Variants in TOGARAM2 observed in about 807,000 individuals in gnomAD.
TOGARAM2 encodes TOG array regulator of axonemal microtubules protein 2.
A neutral mutation model predicts 93.3 loss-of-function variants in TOGARAM2; 85 were observed. The observed-to-expected ratio is 0.91, with a 90% confidence interval of 0.76 to 1.09. The LOEUF is 1.09. Ranked by LOEUF, TOGARAM2 falls within the 50% of genes least tolerant of loss-of-function variation. The pLI, the probability that TOGARAM2 is intolerant of heterozygous loss-of-function variation, is 0.00. For synonymous variants in TOGARAM2, 593 were observed against 552.8 expected (o/e 1.07, Z -1.02); for missense variants, 1,277 against 1,334.5 (o/e 0.96, Z 0.67).
At chr2:29,001,290 G>T (rs1673282472) in intron 4 of TOGARAM2, among the ~76,000 whole-genome samples, 1 of 152,162 alleles carries the variant, frequency 6.6e-6, no homozygotes, top group Non-Finnish European at 1.5e-5. Flanking sequence ...AGCCAGGAGG[G>T]GAGCGAGTGT....
chr2:29,023,215 T>C, intron 12 of TOGARAM2, 24 bp downstream of exon 12: 2 of 1,554,046 alleles, frequency 1.3e-6, no homozygotes, highest in Non-Finnish European at 1.7e-6. Context: ...GCCTGTGTGC[T>C]GTGCATTTGG....
chr2:29,044,267 G>T (rs1220833573), intron 18 of TOGARAM2, among the ~76,000 whole-genome samples: 1 of 152,068 alleles, frequency 6.6e-6, no homozygotes, highest in Non-Finnish European at 1.5e-5. Flanking sequence ...GGCATATTGG[G>T]GCATATAGAC....
intron 1 of TOGARAM2, among the ~76,000 whole-genome samples, chr2:28,973,415 C>G (rs369339771): frequency 0.079 from 5,607 of 70,692 alleles, 118 homozygotes; most frequent in East Asian, 0.46. Context: ...TTCCTCCTTT[C>G]CTTCTTTCCT....
chr2:28,985,678 G>A (rs1487695372), intron 1 of TOGARAM2, among the ~76,000 whole-genome samples: 1 of 152,180 alleles, frequency 6.6e-6, no homozygotes, highest in Non-Finnish European at 1.5e-5. Context: ...TAGGACCACA[G>A]CCCACTCATA....
At chr2:29,005,130 T>C (rs796235814) in intron 6 of TOGARAM2, among the ~76,000 whole-genome samples, 1 of 97,168 alleles carries the variant, frequency 1.0e-5, no homozygotes, top group East Asian at 4.3e-4. Context: ...TGTGTGTGCA[T>C]GTGTATGTGT....
At chr2:29,000,089 T>C (rs1673208413) in intron 4 of TOGARAM2, among the ~76,000 whole-genome samples, 1 of 152,166 alleles carries the variant, frequency 6.6e-6, no homozygotes, top group Non-Finnish European at 1.5e-5. Flanking sequence ...GCCCTATCAT[T>C]TTTTTCCTTC....
intron 12 of TOGARAM2, 47 bp downstream of exon 12, chr2:29,023,238 T>A: frequency 6.9e-7 from 1 of 1,440,926 alleles, no homozygotes; most frequent in Non-Finnish European, 9.5e-7. Flanking sequence ...CCACTGCAGC[T>A]GCTGGATGCA....
At chr2:28,970,161 A>G (rs1484909663) in intron 1 of TOGARAM2, among the ~76,000 whole-genome samples, 2 of 152,196 alleles carry the variant, frequency 1.3e-5, no homozygotes, top group African/African-American at 4.8e-5. Context: ...ATAGGCAGGA[A>G]CAATATTTTT....
At chr2:29,012,372 C>G (rs1664309509) in intron 7 of TOGARAM2, among the ~76,000 whole-genome samples, 1 of 152,210 alleles carries the variant, frequency 6.6e-6, no homozygotes, top group African/African-American at 2.4e-5. Context: ...GATCAAGACA[C>G]AAAGCTGGAC....
upstream of TOGARAM2, among the ~76,000 whole-genome samples, chr2:28,976,686 G>A (rs1672042702): frequency 6.6e-6 from 1 of 152,240 alleles, no homozygotes; most frequent in Non-Finnish European, 1.5e-5. Flanking sequence ...CTGAATTCCT[G>A]TGTGACTCCA....
chr2:29,041,424 A>G (rs1472928709), intron 18 of TOGARAM2, among the ~76,000 whole-genome samples: 1 of 152,198 alleles, frequency 6.6e-6, no homozygotes, highest in Non-Finnish European at 1.5e-5. Context: ...GAACATCCCT[A>G]GTGCTGGTAG....
chr2:29,031,561 A>G (rs1387978020), intron 14 of TOGARAM2, among the ~76,000 whole-genome samples: 1 of 152,236 alleles, frequency 6.6e-6, no homozygotes, highest in Non-Finnish European at 1.5e-5. Context: ...AATTGAAATG[A>G]ATAATTATTG....
At chr2:29,047,797 G>T (rs191468428) in intron 19 of TOGARAM2, 39 of 152,316 alleles carry the variant, frequency 2.6e-4, no homozygotes, top group African/African-American at 9.4e-4. Context: ...GAGCTTCCTG[G>T]GGGCTGAAGT....
chr2:28,982,210 C>G (rs566819061), intron 1 of TOGARAM2, among the ~76,000 whole-genome samples: 46 of 152,334 alleles, frequency 3.0e-4, no homozygotes, highest in African/African-American at 1.1e-3. Flanking sequence ...GTTGTTGATG[C>G]TGTTGTTAGG....
chr2:29,037,711 T>C (rs1201420732), intron 18 of TOGARAM2, among the ~76,000 whole-genome samples: 1 of 152,192 alleles, frequency 6.6e-6, no homozygotes, highest in African/African-American at 2.4e-5. Flanking sequence ...CCTCTCTGCC[T>C]CTTGAGTTCA....
intron 6 of TOGARAM2, among the ~76,000 whole-genome samples, chr2:29,007,898 C>T (rs930497453): frequency 3.3e-4 from 50 of 152,092 alleles, no homozygotes; most frequent in African/African-American, 9.6e-4. Flanking sequence ...TGCTTCCCCT[C>T]GTCCATCTCT....
chr2:29,045,016 A>C (rs1221966795), intron 18 of TOGARAM2, among the ~76,000 whole-genome samples: 2 of 151,700 alleles, frequency 1.3e-5, no homozygotes, highest in East Asian at 3.9e-4. Flanking sequence ...CTACCTACCT[A>C]CCTGTCTACT....
At chr2:29,011,389 G>A (rs979427784) in intron 6 of TOGARAM2, 66 bp from the exon 7 acceptor site, 4 of 1,524,600 alleles carry the variant, frequency 2.6e-6, no homozygotes, top group Non-Finnish European at 3.6e-6. Context: ...GCCACCCTGG[G>A]CTCCCCCAGC....
At chr2:28,960,806 A>G (rs1671794540) in intron 1 of TOGARAM2, among the ~76,000 whole-genome samples, 1 of 152,194 alleles carries the variant, frequency 6.6e-6, no homozygotes, top group African/African-American at 2.4e-5. Flanking sequence ...TGAGCACCTA[A>G]CATGTATCCA....
Sources: gnomAD v4.1 joint callset for allele counts (sites outside exome capture counted in the v4.1 genomes callset) on GRCh38, gnomAD v4.1.1 for gene constraint, MANE v1.5 for transcripts, NCBI Gene and HGNC (gene_info 2026-07-23, HGNC 2026-07-21) for gene names.